The following TYRO3 variants were observed in gnomAD, a reference collection of about 807,000 sequenced individuals.
TYRO3 encodes TYRO3 protein tyrosine kinase.
A neutral mutation model predicts 95.2 loss-of-function variants in TYRO3; 38 were observed. That is an observed-to-expected ratio of 0.40 (90% CI 0.31 to 0.52). The LOEUF is 0.52. TYRO3 is among the 20% of genes least tolerant of loss of function. TYRO3 has a pLI of 0.56. For missense variants in TYRO3, 812 were observed against 1,116.4 expected (o/e 0.73, Z 3.89); for synonymous variants, 367 against 432.9 (o/e 0.85, Z 1.89).
In TYRO3 at chr15:41,578,456, C is replaced by T; in HGVS notation, c.*180C>T. The T allele has an allele frequency of 1.2e-6, 1 of 823,930 alleles. No individual in the cohort carries two copies. Among genetic ancestry groups the T allele is most frequent in the Non-Finnish European group, 1.8e-6 (1 of 542,482 alleles). The allele number at this position is 823,930 out of a possible 1,614,324, so 51.0% of individuals were successfully genotyped here. ...CACCCAATCCCAGTTCTTCCTGCAA[C>T]CACTCTGTGGCCAGCCTGGCATCAG... On this transcript the variant is annotated 3_prime_UTR_variant, in exon 19 of 19. Transcript: ENST00000263798.
At chr15:41,571,517 G>A (rs769599696) in intron 13 of TYRO3, 78 bp from the exon 14 acceptor site, 2 of 1,007,404 alleles carry the variant, frequency 2.0e-6, no homozygotes, top group Admixed American at 3.4e-5. Context: ...ACATCTGAAG[G>A]ACAAGACCTA....
chr15:41,569,724 GC>G (rs1401307598), intron 9 of TYRO3, among the ~76,000 whole-genome samples: 2 of 152,166 alleles, frequency 1.3e-5, no homozygotes, highest in African/African-American at 4.8e-5. Flanking sequence ...CTGCAACTGT[GC>G]CCCTGCACTC....
intron 1 of TYRO3, 39 bp from the exon 2 acceptor site, chr15:41,561,088 C>T (rs1295005603): frequency 7.4e-6 from 12 of 1,611,742 alleles, no homozygotes; most frequent in Non-Finnish European, 1.0e-5. Flanking sequence ...GAGACAGAGT[C>T]CCTCTCAAGG....
Position 41,565,064 on chromosome 15 carries a change from C to A in TYRO3, c.706C>A (p.Leu236Ile). 6.2e-7 allele frequency: 1 copy of A among 1,613,172 alleles called. No individual in the cohort carries two copies. Among genetic ancestry groups the A allele is most frequent in the Non-Finnish European group, 8.5e-7 (1 of 1,180,010 alleles). Residue 236 changes from leucine to isoleucine, a missense_variant, in exon 6 of 19, where the codon CTT becomes ATT. Leu to Ile is a conservative substitution (Grantham distance 5, BLOSUM62 2). Transcript: ENST00000263798. ...AAPFNITVTKLSSSNASVAWM... is the reference protein window; with the variant it reads ...AAPFNITVTKISSSNASVAWM... Reference sequence around the variant, plus strand: ...CCCCTTCAACATCACCGTGACAAAGCTTTCCAGCAGCAACGCTAGTGTGGC... The same window carrying A: ...CCCCTTCAACATCACCGTGACAAAGATTTCCAGCAGCAACGCTAGTGTGGC...
chr15:41,568,011 C>A (rs1470946095), intron 7 of TYRO3, among the ~76,000 whole-genome samples: 1 of 152,138 alleles, frequency 6.6e-6, no homozygotes, highest in Non-Finnish European at 1.5e-5. Context: ...AGCAACACTG[C>A]CGAGCTGGGG....
intron 15 of TYRO3, 108 bp downstream of exon 15, chr15:41,572,672 G>A: frequency 1.5e-6 from 2 of 1,349,244 alleles, no homozygotes; most frequent in Non-Finnish European, 2.0e-6. Flanking sequence ...GGCTGATGGA[G>A]CTGGGTGGGA....
At chr15:41,570,964 A>G in intron 12 of TYRO3, 74 bp from the exon 13 acceptor site, 2 of 1,480,982 alleles carry the variant, frequency 1.4e-6, no homozygotes. Context: ...GTTCCCATGG[A>G]GGGTCACTTG....
At chr15:41,577,819 A>G in intron 18 of TYRO3, 67 bp from the exon 19 acceptor site, 1 of 1,524,578 alleles carries the variant, frequency 6.6e-7, no homozygotes, top group Non-Finnish European at 8.8e-7. Flanking sequence ...CTAGTGCCAT[A>G]TGATGAAGGG....
At chr15:41,575,654 A>G (rs935439928) in intron 18 of TYRO3, among the ~76,000 whole-genome samples, 1 of 152,156 alleles carries the variant, frequency 6.6e-6, no homozygotes, top group Admixed American at 6.5e-5. Context: ...GGCTCTTGTC[A>G]TGGGCATAGG....
chr15:41,572,629 A>C, intron 15 of TYRO3, 65 bp downstream of exon 15: 12 of 1,422,616 alleles, frequency 8.4e-6, no homozygotes, highest in Non-Finnish European at 8.6e-6. Flanking sequence ...GGAAAGGCAT[A>C]GAGACCCTGG....
intron 18 of TYRO3, chr15:41,574,730 T>G (rs1566903923): frequency 6.6e-6 from 3 of 454,650 alleles, no homozygotes; most frequent in Non-Finnish European, 1.3e-5. Context: ...TTTTTTGTTT[T>G]GTTTTTTGAG....
In TYRO3 at chr15:41,569,905, C is replaced by T. The variant is rs1595502986; in HGVS notation, c.1253-122C>T. ...TTAGGCATTCCTCTGGAGCCCCTTT[C>T]CCTCAGGACCCTTATTGACCTAGAG... On this transcript the variant is annotated intron_variant, in intron 9 of 18. Transcript: ENST00000263798. The T allele has an allele frequency of 3.2e-6, 4 of 1,268,206 alleles. No individual in the cohort carries two copies. In the East Asian group the frequency reaches 7.2e-5, roughly 23 times the overall value. The allele number at this position is 1,268,206 out of a possible 1,614,324, so 78.6% of individuals were successfully genotyped here. A position where few individuals can be genotyped will look rare whatever the true frequency, so the allele number is the denominator to read the frequency against.
At chr15:41,561,730 C>A in intron 3 of TYRO3, 91 bp downstream of exon 3, 1 of 979,730 alleles carries the variant, frequency 1.0e-6, no homozygotes, top group Non-Finnish European at 1.5e-6. Context: ...TCAGTAGAAG[C>A]TGGGCTGCCC....
intron 18 of TYRO3, 169 bp from the exon 19 acceptor site, chr15:41,577,717 G>A (rs1261999182): frequency 7.9e-6 from 5 of 634,298 alleles, no homozygotes; most frequent in Non-Finnish European, 1.3e-5. Context: ...GAACTCCTGG[G>A]CTCAAATAAT....
At chr15:41,567,333 C>T in intron 6 of TYRO3, 27 bp from the exon 7 acceptor site, 4 of 1,486,832 alleles carry the variant, frequency 2.7e-6, no homozygotes, top group Non-Finnish European at 3.6e-6. Context: ...CTCTCCCCTA[C>T]ATCATTAGTT....
intron 1 of TYRO3, among the ~76,000 whole-genome samples, chr15:41,560,414 TGTGTGTGTGTGTGTGCGC>T (rs2055633546): frequency 7.0e-6 from 1 of 143,436 alleles, no homozygotes; most frequent in Non-Finnish European, 1.5e-5. Context: ...TGTGTGTGTG[TGTGTGTGTGTGTGTGCGC>T]GCGCGCGCGC....
At chr15:41,575,147 G>A (rs1211445312) in intron 18 of TYRO3, among the ~76,000 whole-genome samples, 1 of 152,226 alleles carries the variant, frequency 6.6e-6, no homozygotes, top group Non-Finnish European at 1.5e-5. Context: ...GGAAGGCTCA[G>A]CCTGATGGTG....
In TYRO3 at chr15:41,580,093, GTTC is replaced by G. The variant is rs955558148; in HGVS notation, c.*1823_*1825del. Reference sequence around the variant, plus strand: ...CTTTAAATGATGGGGTTAAGGGGACGTTCTTCTTTGTGCTTTCCAAGTTTTCTG... The same window carrying G: ...CTTTAAATGATGGGGTTAAGGGGACGTTCTTTGTGCTTTCCAAGTTTTCTG... On this transcript the variant is annotated 3_prime_UTR_variant, in exon 19 of 19. Transcript: ENST00000263798. 7 of 152,088 alleles carry G rather than the reference GTTC, an allele frequency of 4.6e-5. No homozygotes were observed. Among genetic ancestry groups the G allele is most frequent in the African/African-American group, 1.4e-4 (6 of 41,408 alleles). The allele number at this position is 152,088 out of a possible 1,614,324, so 9.4% of individuals were successfully genotyped here. A position where few individuals can be genotyped will look rare whatever the true frequency, so the allele number is the denominator to read the frequency against.
At chr15:41,571,750 A>T (rs2055799160) in intron 14 of TYRO3, 63 bp downstream of exon 14, 2 of 959,076 alleles carry the variant, frequency 2.1e-6, no homozygotes, top group Admixed American at 3.5e-5. Flanking sequence ...TACCAATATG[A>T]GATGGCAGCC....
Sources: gnomAD v4.1 joint callset for allele counts (sites outside exome capture counted in the v4.1 genomes callset) on GRCh38, gnomAD v4.1.1 for gene constraint, MANE v1.5 for transcripts, NCBI Gene and HGNC (gene_info 2026-07-23, HGNC 2026-07-21) for gene names.